Variants in YEATS2 observed in about 807,000 individuals in gnomAD.
YEATS2 encodes the protein YEATS domain containing 2, also known as YEATS domain-containing protein 2.
Under a neutral mutation model 163.2 loss-of-function variants are expected in YEATS2, and 77 were observed. The observed-to-expected ratio is 0.47, with a 90% confidence interval of 0.39 to 0.57. YEATS2 has a LOEUF of 0.57. YEATS2 is among the 20% of genes least tolerant of loss of function. The pLI, the probability that YEATS2 is intolerant of heterozygous loss-of-function variation, is 0.00. For missense variants in YEATS2, 1,549 were observed against 1,729.8 expected (o/e 0.90, Z 1.85); for synonymous variants, 631 against 645.1 (o/e 0.98, Z 0.33).
chr3:183,743,030 T>C (rs1719139638), intron 8 of YEATS2, among the ~76,000 whole-genome samples: 2 of 152,254 alleles, frequency 1.3e-5, no homozygotes, highest in South Asian at 2.1e-4. Context: ...TGTTACATAC[T>C]TAATAGATGA....
At chr3:183,774,444 A>G (rs955919168) in intron 17 of YEATS2, among the ~76,000 whole-genome samples, 42 of 152,262 alleles carry the variant, frequency 2.8e-4, no homozygotes, top group African/African-American at 8.7e-4. Flanking sequence ...GTCCCAATTC[A>G]TGGAAAAGTT....
chr3:183,734,651 TAGA>T (rs1184028039), intron 7 of YEATS2, among the ~76,000 whole-genome samples: 5 of 152,302 alleles, frequency 3.3e-5, no homozygotes, highest in African/African-American at 1.2e-4. Context: ...ATGCAGGAGG[TAGA>T]AGAAGTCATT....
intron 12 of YEATS2, among the ~76,000 whole-genome samples, chr3:183,758,366 A>AATAAT (rs112708651): frequency 5.3e-5 from 8 of 151,182 alleles, no homozygotes; most frequent in Non-Finnish European, 1.0e-4. Flanking sequence ...CAGGAAAAAA[A>AATAAT]AATAATAATG....
intron 9 of YEATS2, among the ~76,000 whole-genome samples, chr3:183,749,661 A>G (rs1375175959): frequency 1.3e-5 from 2 of 151,984 alleles, no homozygotes; most frequent in Admixed American, 1.3e-4. Context: ...TATTTTTGAG[A>G]AAGAGTCTTG....
chr3:183,803,969 G>GA lies in YEATS2; in HGVS notation c.3583-14dup. On this transcript the variant is annotated splice_polypyrimidine_tract_variant and intron_variant, in intron 26 of 30. Coordinates refer to ENST00000305135, the MANE Select transcript of YEATS2 (RefSeq NM_018023.5). ...GAAGGATTTGATTATGGTTCCAAAAGAAAATTTTTTTTTTAAGTGGCAAAG... is the reference window on the plus strand; with the variant it reads ...GAAGGATTTGATTATGGTTCCAAAAGAAAAATTTTTTTTTTAAGTGGCAAAG... 6.2e-7 allele frequency: 1 copy of GA among 1,612,586 alleles called. No individual in the cohort carries two copies. Among genetic ancestry groups the GA allele is most frequent in the African/African-American group, 1.3e-5 (1 of 74,862 alleles).
Position 183,786,019 on chromosome 3 carries a change from T to G in YEATS2, c.2737-106T>G. 3.0e-6 allele frequency: 4 copies of G among 1,327,740 alleles called. No individual in the cohort carries two copies. In the South Asian group the frequency reaches 5.8e-5, roughly 19 times the overall value. The allele number at this position is 1,327,740 out of a possible 1,614,324, so 82.2% of individuals were successfully genotyped here. ...TGTAGGTTGGATTGGTAAGACTTTCTTGGTTATTCTCCAAGTCATGGGGCG... is the reference window on the plus strand; with the variant it reads ...TGTAGGTTGGATTGGTAAGACTTTCGTGGTTATTCTCCAAGTCATGGGGCG... On this transcript the variant is annotated intron_variant, in intron 19 of 30. Transcript: ENST00000305135.
chr3:183,746,410 A>C (rs1191289837), intron 8 of YEATS2, among the ~76,000 whole-genome samples: 4 of 152,212 alleles, frequency 2.6e-5, no homozygotes, highest in Non-Finnish European at 4.4e-5. Context: ...TAAGAACGCT[A>C]AAAATGTTTA....
chr3:183,706,442 T>A (rs530945235), intron 1 of YEATS2, among the ~76,000 whole-genome samples: 1 of 152,182 alleles, frequency 6.6e-6, no homozygotes. Context: ...AATATTCTTA[T>A]TGTCCTTTTC....
rs75721753 is a variant in YEATS2 at position 183,807,253 on chromosome 3, G to A, written c.4011+161G>A. ...TAGATGCTTGACTTCCTTCTGCCTGGTTGACCCAGGTGTGCTCTCAGGGCT... is the reference window on the plus strand; with the variant it reads ...TAGATGCTTGACTTCCTTCTGCCTGATTGACCCAGGTGTGCTCTCAGGGCT... On this transcript the variant is annotated intron_variant, in intron 28 of 30. Transcript: ENST00000305135. 2.2e-3 allele frequency: 1,463 copies of A among 662,922 alleles called. 14 individuals are homozygous for A. Among genetic ancestry groups the A allele is most frequent in the African/African-American group, 0.017 (941 of 55,448 alleles). The allele number at this position is 662,922 out of a possible 1,614,324, so 41.1% of individuals were successfully genotyped here.
chr3:183,810,328 A>G, intron 30 of YEATS2, 147 bp from the exon 31 acceptor site: 1 of 654,740 alleles, frequency 1.5e-6, no homozygotes, highest in Non-Finnish European at 2.7e-6. Flanking sequence ...TCCTCACCCC[A>G]GAGTGGCCCT....
chr3:183,800,435 C>A, intron 23 of YEATS2, 31 bp from the exon 24 acceptor site: 2 of 1,562,570 alleles, frequency 1.3e-6, no homozygotes, highest in Non-Finnish European at 1.8e-6. Flanking sequence ...TGACCCCTAA[C>A]AGCTGCCTCT....
intron 11 of YEATS2, 74 bp downstream of exon 11, chr3:183,754,439 T>C: frequency 6.6e-7 from 1 of 1,516,160 alleles, no homozygotes; most frequent in Non-Finnish European, 8.9e-7. Flanking sequence ...CAAAACAAAA[T>C]ACTTGGCTTT....
chr3:183,709,666 A>G (rs1160075363), intron 1 of YEATS2, among the ~76,000 whole-genome samples: 3 of 143,854 alleles, frequency 2.1e-5, no homozygotes, highest in Non-Finnish European at 3.0e-5. Context: ...GGCTGTTTTA[A>G]TGAGATAAAT....
intron 10 of YEATS2, among the ~76,000 whole-genome samples, chr3:183,752,725 AT>A (rs1720317140): frequency 6.6e-6 from 1 of 151,034 alleles, no homozygotes; most frequent in African/African-American, 2.4e-5. Context: ...AAAAAAAAAA[AT>A]TTCCATGAAG....
Position 183,790,791 on chromosome 3 carries a change from G to T in YEATS2, c.2914-6G>T, listed in dbSNP as rs1434990632. 6.2e-7 allele frequency: 1 copy of T among 1,612,336 alleles called. No individual in the cohort carries two copies. The highest frequency in any genetic ancestry group is 1.3e-5 in the African/African-American group (1 of 74,898). On this transcript the variant is annotated splice_region_variant and splice_polypyrimidine_tract_variant and intron_variant, in intron 20 of 30. Transcript: ENST00000305135. ...CTGTGTTGTTTCGGACCCCATGGGT[G>T]AGCAGTCTGAAGGAATGGCTCCCGT... is the stretch of plus-strand genomic sequence containing the variant.
chr3:183,718,618 T>A, intron 4 of YEATS2, 26 bp downstream of exon 4: 1 of 1,550,098 alleles, frequency 6.5e-7, no homozygotes, highest in Non-Finnish European at 8.8e-7. Context: ...ACCCAGTCAT[T>A]TTCCAGCCAC....
chr3:183,717,535 T>C (rs1577049047), intron 2 of YEATS2, 116 bp from the exon 3 acceptor site: 2 of 706,622 alleles, frequency 2.8e-6, no homozygotes, highest in East Asian at 6.0e-5. Context: ...TGATGTCCAC[T>C]AGGTTTCTCC....
chr3:183,704,357 C>T (rs1328540086), intron 1 of YEATS2, among the ~76,000 whole-genome samples: 5 of 152,120 alleles, frequency 3.3e-5, no homozygotes, highest in Non-Finnish European at 7.3e-5. Context: ...TGTGTATTTG[C>T]AGTGAAAGCT....
rs534516731 is a variant in YEATS2, at chr3:183,743,029, C to A, written c.925-4643C>A. Among the ~76,000 whole-genome samples the A allele has an allele frequency of 2.0e-4, 31 of 152,290 alleles. No homozygotes were observed. The East Asian group carries it at 5.6e-3, about 27-fold the overall frequency. ...TTGTTAAACATAATGCTGTTACATA[C>A]TTAATAGATGACAGCATAGTATAAA... On this transcript the variant is annotated intron_variant, in intron 8 of 30. Coordinates refer to ENST00000305135, the MANE Select transcript of YEATS2 (RefSeq NM_018023.5).
Sources: allele counts gnomAD v4.1 joint callset (sites outside exome capture counted in the v4.1 genomes callset), GRCh38; gene constraint gnomAD v4.1.1; transcripts MANE v1.5; gene names NCBI Gene and HGNC (gene_info 2026-07-23, HGNC 2026-07-21).